The following ZFP91 variants were observed in gnomAD, a reference collection of about 807,000 sequenced individuals.
ZFP91 encodes the protein E3 ubiquitin-protein ligase ZFP91.
In ZFP91, 7 loss-of-function variants were observed where a neutral mutation model predicts 63.5. That is an observed-to-expected ratio of 0.11 (90% CI 0.06 to 0.21). The LOEUF is 0.21. Ranked by LOEUF, ZFP91 falls within the 10% of genes least tolerant of loss-of-function variation. ZFP91 has a pLI of 1.00. For synonymous variants in ZFP91, 330 were observed against 272.1 expected (o/e 1.21, Z -2.10); for missense variants, 628 against 736.6 (o/e 0.85, Z 1.71).
intron 2 of ZFP91, among the ~76,000 whole-genome samples, chr11:58,606,682 A>G (rs1438797232): frequency 2.0e-5 from 3 of 151,432 alleles, no homozygotes; most frequent in African/African-American, 4.9e-5. Flanking sequence ...CTTTATGTCC[A>G]TGAGTACCTA....
At chr11:58,615,786 G>T (rs1010195258) in intron 9 of ZFP91, among the ~76,000 whole-genome samples, 1 of 152,184 alleles carries the variant, frequency 6.6e-6, no homozygotes, top group Non-Finnish European at 1.5e-5. Context: ...AGCTATCCAG[G>T]TGATCTCTAA....
At chr11:58,581,888 C>T (rs779364546) in intron 1 of ZFP91, among the ~76,000 whole-genome samples, 8 of 151,438 alleles carry the variant, frequency 5.3e-5, no homozygotes, top group Non-Finnish European at 1.0e-4. Flanking sequence ...GAATTCTTAG[C>T]GCCACCCGCC....
At position 58,610,357 on chromosome 11, in the gene ZFP91, A is replaced by G. The variant is rs771219328; in HGVS notation, c.617+23A>G. On this transcript the variant is annotated intron_variant, in intron 4 of 10. Coordinates refer to ENST00000316059, the MANE Select transcript of ZFP91 (RefSeq NM_053023.5). ...TAGGTAAAAAAAACATTAATATTTCATTTTTAAACCTTTGGGGACATAGCA... is the reference window on the plus strand; with the variant it reads ...TAGGTAAAAAAAACATTAATATTTCGTTTTTAAACCTTTGGGGACATAGCA... 8.9e-6 allele frequency: 14 copies of G among 1,575,448 alleles called. No individual in the cohort carries two copies. In the Admixed American group the frequency reaches 2.7e-4, roughly 30 times the overall value.
rs914684972 is a variant in ZFP91 at position 58,579,717 on chromosome 11, C to T, written c.341+95C>T. 17 of 1,210,228 alleles carry T rather than the reference C, an allele frequency of 1.4e-5. No homozygotes were observed. In the East Asian group the frequency reaches 4.8e-4, roughly 35 times the overall value. The allele number at this position is 1,210,228 out of a possible 1,614,324, so 75.0% of individuals were successfully genotyped here. A position where few individuals can be genotyped will look rare whatever the true frequency, so the allele number is the denominator to read the frequency against. On this transcript the variant is annotated intron_variant, in intron 1 of 10. Transcript: ENST00000316059. Reference sequence around the variant, plus strand: ...AGCGCCTACTCCACGTGACATCCTGCCTGGTCTGCCCCCTGCCGGCTCCGC... The same window carrying T: ...AGCGCCTACTCCACGTGACATCCTGTCTGGTCTGCCCCCTGCCGGCTCCGC...
At chr11:58,583,890 TTACTA>T (rs1460700570) in intron 1 of ZFP91, among the ~76,000 whole-genome samples, 1 of 152,034 alleles carries the variant, frequency 6.6e-6, no homozygotes. Flanking sequence ...AATAGAGTCT[TTACTA>T]TATTAGGTTT....
At chr11:58,616,301 G>T (rs1197312327) in intron 9 of ZFP91, among the ~76,000 whole-genome samples, 5 of 151,244 alleles carry the variant, frequency 3.3e-5, no homozygotes, top group Non-Finnish European at 7.4e-5. Flanking sequence ...TGTTTTGTTT[G>T]AATGCCAGAT....
intron 4 of ZFP91, 116 bp from the exon 5 acceptor site, chr11:58,610,834 A>G: frequency 1.3e-6 from 1 of 797,124 alleles, no homozygotes. Flanking sequence ...CATTAGGATG[A>G]AAATGCTAGA....
At position 58,579,292 on chromosome 11, in the gene ZFP91, A is replaced by G; in HGVS notation, c.11A>G (p.Glu4Gly). The G allele has an allele frequency of 5.5e-6, 8 of 1,458,562 alleles. No homozygotes were observed. Among genetic ancestry groups the G allele is most frequent in the Admixed American group, 2.8e-5 (1 of 36,096 alleles). The allele number at this position is 1,458,562 out of a possible 1,614,324, so 90.4% of individuals were successfully genotyped here. Residue 4 changes from glutamate (E) to glycine (G), a missense_variant, in exon 1 of 11, where the codon GAG (glutamate) becomes GGG (glycine). This residue lies in a region of ZFP91 where 437 missense variants were observed against 380.3 expected (regional missense o/e 1.15). Transcript: ENST00000316059. MPG[E>G]TEEPRPPEQQ... is the part of the protein sequence containing the mutation. ...GACGGACAAGCCCCGATGCCGGGGGAGACGGAAGAGCCGAGACCCCCGGAG... is the reference window on the plus strand; with the variant it reads ...GACGGACAAGCCCCGATGCCGGGGGGGACGGAAGAGCCGAGACCCCCGGAG...
At chr11:58,596,146 G>T (rs185429318) in intron 2 of ZFP91, among the ~76,000 whole-genome samples, 242 of 152,176 alleles carry the variant, frequency 1.6e-3, no homozygotes, top group Non-Finnish European at 2.8e-3. Context: ...CTGGAGAGAA[G>T]AAAATTTATT....
At chr11:58,595,549 A>G (rs1481540565) in intron 2 of ZFP91, among the ~76,000 whole-genome samples, 1 of 151,314 alleles carries the variant, frequency 6.6e-6, no homozygotes, top group East Asian at 1.9e-4. Flanking sequence ...TTAGAAGAAA[A>G]CATTCCTGCC....
intron 5 of ZFP91, 88 bp downstream of exon 5, chr11:58,611,142 T>G: frequency 1.8e-6 from 2 of 1,132,868 alleles, no homozygotes; most frequent in South Asian, 2.8e-5. Flanking sequence ...GTTGCCAAGC[T>G]AATGGGTATA....
In ZFP91 at chr11:58,579,140, C is replaced by T; in HGVS notation, c.-142C>T. 1.9e-6 allele frequency: 1 copy of T among 537,620 alleles called. No individual in the cohort carries two copies. Among genetic ancestry groups the T allele is most frequent in the Non-Finnish European group, 2.5e-6 (1 of 403,194 alleles). 33.3% of individuals were successfully genotyped at this position (537,620 alleles called of 1,614,324 possible). A position where few individuals can be genotyped will look rare whatever the true frequency, so the allele number is the denominator to read the frequency against. ...TGGGGGGGGCGCCCTCGGAGCCGGGCGGAGGGGAGGGGGGAAAGAGGAGCG... is the reference window on the plus strand; with the variant it reads ...TGGGGGGGGCGCCCTCGGAGCCGGGTGGAGGGGAGGGGGGAAAGAGGAGCG... On this transcript the variant is annotated 5_prime_UTR_variant, in exon 1 of 11. Transcript: ENST00000316059.
In ZFP91 at chr11:58,621,447, T is replaced by C. The variant is rs1166872806; in HGVS notation, c.*3741T>C. Among the ~76,000 whole-genome samples the C allele has an allele frequency of 6.6e-6, 1 of 152,206 alleles. No individual in the cohort carries two copies. The highest frequency in any genetic ancestry group is 1.5e-5 in the Non-Finnish European group (1 of 68,030). On this transcript the variant is annotated 3_prime_UTR_variant, in exon 11 of 11. Coordinates refer to ENST00000316059, the MANE Select transcript of ZFP91 (RefSeq NM_053023.5). ...ATTTTTATTTTAAAAAAGAAAAAACTATAATCCTTCTGCCTTCCAAAAGCC... is the reference window on the plus strand; with the variant it reads ...ATTTTTATTTTAAAAAAGAAAAAACCATAATCCTTCTGCCTTCCAAAAGCC...
Position 58,595,905 on chromosome 11 carries a change from A to G in ZFP91, c.370+11021A>G, listed in dbSNP as rs146469733. On this transcript the variant is annotated intron_variant, in intron 2 of 10. Transcript: ENST00000316059. ...TTAATCTCTTATTGTCTCAACTCAT[A>G]GTATAAACCACTCTTACTTCATACC... Among the ~76,000 whole-genome samples the G allele has an allele frequency of 7.2e-4, 109 of 152,152 alleles. 2 individuals carry two copies. Among genetic ancestry groups the G allele is most frequent in the African/African-American group, 2.6e-3 (107 of 41,482 alleles).
At chr11:58,597,065 A>G (rs1855416408) in intron 2 of ZFP91, among the ~76,000 whole-genome samples, 2 of 152,190 alleles carry the variant, frequency 1.3e-5, no homozygotes, top group Non-Finnish European at 2.9e-5. Flanking sequence ...TCCAATATCA[A>G]AAGAACCATA....
At chr11:58,602,451 AT>A (rs1341913019) in intron 2 of ZFP91, among the ~76,000 whole-genome samples, 1 of 151,584 alleles carries the variant, frequency 6.6e-6, no homozygotes, top group Non-Finnish European at 1.5e-5. Context: ...CGAGAGAGAG[AT>A]GGGGGGAGAG....
chr11:58,591,987 G>A (rs973672241), intron 2 of ZFP91, among the ~76,000 whole-genome samples: 1 of 151,596 alleles, frequency 6.6e-6, no homozygotes, highest in African/African-American at 2.4e-5. Flanking sequence ...TTTTGCAGCT[G>A]TAGTAGGTAA....
At chr11:58,611,769 T>G (rs1855668625) in intron 6 of ZFP91, 31 bp downstream of exon 6, 1 of 1,577,664 alleles carries the variant, frequency 6.3e-7, no homozygotes, top group East Asian at 2.3e-5. Context: ...AATGAAAATC[T>G]AACAGATTTT....
chr11:58,606,989 A>G (rs1333258631), intron 2 of ZFP91, among the ~76,000 whole-genome samples: 1 of 152,092 alleles, frequency 6.6e-6, no homozygotes, highest in Non-Finnish European at 1.5e-5. Context: ...GTAGTATTCA[A>G]TAAGATAGGC....
Sources: gnomAD v4.1 joint callset for allele counts (sites outside exome capture counted in the v4.1 genomes callset) on GRCh38, gnomAD v4.1.1 for gene constraint, gnomAD v4.1.1 regional missense constraint, MANE v1.5 for transcripts, NCBI Gene and HGNC (gene_info 2026-07-23, HGNC 2026-07-21) for gene names.